Variants in SLC25A21 observed in about 807,000 individuals in gnomAD.
SLC25A21 encodes mitochondrial 2-oxodicarboxylate carrier.
SLC25A21 carries 47 observed loss-of-function variants against 43.8 expected under a neutral mutation model. The ratio of observed to expected loss-of-function variants is 1.07; its 90% confidence interval spans 0.85 to 1.37. The LOEUF is 1.37. Among genes scored for constraint, SLC25A21 ranks in the 40% most tolerant of loss-of-function variants. The probability of loss-of-function intolerance (pLI) is 0.00; values close to 1 mark genes in which losing one functional copy is unlikely to be tolerated. For synonymous variants in SLC25A21, 131 were observed against 121.3 expected (o/e 1.08, Z -0.52); for missense variants, 352 against 350.2 (o/e 1.00, Z -0.04).
At chr14:37,004,907 G>A (rs117006245) in intron 1 of SLC25A21, among the ~76,000 whole-genome samples, 167 of 149,538 alleles carry the variant, frequency 1.1e-3, no homozygotes, top group Non-Finnish European at 2.1e-3. Context: ...GGAGGAATAA[G>A]AAGAATGGCA....
chr14:37,145,246 T>G (rs758797493), intron 1 of SLC25A21, among the ~76,000 whole-genome samples: 2 of 151,912 alleles, frequency 1.3e-5, no homozygotes, highest in Non-Finnish European at 2.9e-5. Context: ...CATAGAATAC[T>G]ACCTCCTTCT....
chr14:36,784,343 T>C (rs1203105188), intron 3 of SLC25A21, among the ~76,000 whole-genome samples: 1 of 152,220 alleles, frequency 6.6e-6, no homozygotes, highest in Non-Finnish European at 1.5e-5. Context: ...GGATGATCCA[T>C]ATGCTACCAG....
intron 5 of SLC25A21, among the ~76,000 whole-genome samples, chr14:36,728,425 A>T (rs755425735): frequency 3.3e-5 from 5 of 152,102 alleles, no homozygotes; most frequent in Non-Finnish European, 5.9e-5. Flanking sequence ...CTTTTTTGCC[A>T]AGCTGTTTCC....
chr14:36,767,383 C>G (rs913128318), intron 3 of SLC25A21, among the ~76,000 whole-genome samples: 3 of 152,220 alleles, frequency 2.0e-5, no homozygotes, highest in Non-Finnish European at 4.4e-5. Context: ...TTTGAACTCA[C>G]AGGATGGCTG....
chr14:36,703,196 T>G (rs891104645), intron 7 of SLC25A21, among the ~76,000 whole-genome samples: 1 of 152,210 alleles, frequency 6.6e-6, no homozygotes, highest in Non-Finnish European at 1.5e-5. Flanking sequence ...GCTCTAATTC[T>G]ATTGAGATTC....
chr14:36,734,942 A>C (rs1884974615), intron 3 of SLC25A21, among the ~76,000 whole-genome samples: 1 of 152,216 alleles, frequency 6.6e-6, no homozygotes, highest in Non-Finnish European at 1.5e-5. Context: ...CAACCAAATG[A>C]GGTTAGGATT....
chr14:36,771,511 T>C (rs1483638158), intron 3 of SLC25A21, among the ~76,000 whole-genome samples: 1 of 152,016 alleles, frequency 6.6e-6, no homozygotes, highest in East Asian at 1.9e-4. Flanking sequence ...ACGGAAGAGA[T>C]GGGTTCATGG....
intron 7 of SLC25A21, among the ~76,000 whole-genome samples, chr14:36,691,262 C>T (rs750922719): frequency 1.3e-5 from 2 of 152,074 alleles, no homozygotes; most frequent in Non-Finnish European, 2.9e-5. Context: ...ACCTCTTAGG[C>T]CAAGAGAAGA....
intron 3 of SLC25A21, among the ~76,000 whole-genome samples, chr14:36,797,475 AT>A (rs1261895392): frequency 1.3e-5 from 2 of 152,236 alleles, no homozygotes; most frequent in Non-Finnish European, 2.9e-5. Flanking sequence ...AAACAAAAAA[AT>A]TCAAGAGCTC....
intron 1 of SLC25A21, among the ~76,000 whole-genome samples, chr14:37,103,675 C>T (rs1488086105): frequency 6.6e-6 from 1 of 152,218 alleles, no homozygotes; most frequent in Non-Finnish European, 1.5e-5. Flanking sequence ...AATCTCAAAC[C>T]TTCTTCCCTT....
At chr14:36,721,976 C>A (rs548724162) in intron 6 of SLC25A21, among the ~76,000 whole-genome samples, 2 of 152,306 alleles carry the variant, frequency 1.3e-5, no homozygotes, top group African/African-American at 4.8e-5. Flanking sequence ...AAACTCTCAC[C>A]TTCTCCTCCT....
chr14:37,168,973 C>T (rs368993559), intron 1 of SLC25A21, among the ~76,000 whole-genome samples: 15 of 152,174 alleles, frequency 9.9e-5, no homozygotes, highest in African/African-American at 3.4e-4. Context: ...GACTGCCACA[C>T]GGCCGCTTCT....
At chr14:37,016,124 A>G (rs1313447542) in intron 1 of SLC25A21, among the ~76,000 whole-genome samples, 2 of 152,082 alleles carry the variant, frequency 1.3e-5, no homozygotes, top group Non-Finnish European at 1.5e-5. Context: ...GCCCATGCCT[A>G]TGTCCTGAAT....
At chr14:36,707,085 AT>A (rs1049913175) in intron 7 of SLC25A21, among the ~76,000 whole-genome samples, 1 of 151,924 alleles carries the variant, frequency 6.6e-6, no homozygotes, top group Non-Finnish European at 1.5e-5. Flanking sequence ...GCTGTTTTTC[AT>A]TTTATCCAAG....
intron 1 of SLC25A21, among the ~76,000 whole-genome samples, chr14:37,064,956 C>A (rs2138817196): frequency 6.6e-6 from 1 of 152,252 alleles, no homozygotes; most frequent in African/African-American, 2.4e-5. Context: ...GCTACTCTAC[C>A]AAACCCCCAG....
intron 2 of SLC25A21, among the ~76,000 whole-genome samples, chr14:36,829,719 AC>A (rs10709534): frequency 0.96 from 145,988 of 152,242 alleles, 70,290 homozygotes; most frequent in East Asian, 1. Context: ...GGTTCCCTTA[AC>A]CCATGTCCAG....
chr14:36,996,641 T>C (rs1486993169), intron 1 of SLC25A21, among the ~76,000 whole-genome samples: 1 of 152,068 alleles, frequency 6.6e-6, no homozygotes, highest in Non-Finnish European at 1.5e-5. Flanking sequence ...AAAATGGCCT[T>C]ATAGAACACC....
At chr14:36,869,935 T>C (rs1239111470) in intron 2 of SLC25A21, among the ~76,000 whole-genome samples, 7 of 152,186 alleles carry the variant, frequency 4.6e-5, no homozygotes, top group African/African-American at 1.4e-4. Flanking sequence ...TGCTAAGAGT[T>C]TGACAATGTG....
chr14:37,078,853 T>C (rs1188166683), intron 1 of SLC25A21, among the ~76,000 whole-genome samples: 2 of 152,134 alleles, frequency 1.3e-5, no homozygotes, highest in African/African-American at 2.4e-5. Context: ...TTTTTTTTTT[T>C]TCTCTTTGCA....
Sources: gnomAD v4.1 joint callset for allele counts (sites outside exome capture counted in the v4.1 genomes callset) on GRCh38, gnomAD v4.1.1 for gene constraint, MANE v1.5 for transcripts, NCBI Gene and HGNC (gene_info 2026-07-23, HGNC 2026-07-21) for gene names.